The following CPNE1 variants were observed in gnomAD, a reference collection of about 807,000 sequenced individuals.
CPNE1 encodes copine-1.
Under a neutral mutation model 63.2 loss-of-function variants are expected in CPNE1, and 58 were observed. The observed-to-expected ratio is 0.92, with a 90% CI of 0.74 to 1.14. The LOEUF (loss-of-function observed/expected upper bound fraction) is 1.14, where lower values mean the gene tolerates loss of function less well. Among genes scored for constraint, CPNE1 ranks in the 50% most tolerant of loss-of-function variants. The pLI is 0.00. For missense variants in CPNE1, 672 were observed against 661.7 expected (o/e 1.02, Z -0.17); for synonymous variants, 237 against 249.0 (o/e 0.95, Z 0.45).
chr20:35,626,126 A>G lies in CPNE1; in HGVS notation c.*115T>C. The G allele has an allele frequency of 9.0e-7, 1 of 1,116,748 alleles. No homozygotes were observed. The highest frequency in any genetic ancestry group is 1.4e-6 in the Non-Finnish European group (1 of 740,110). 69.2% of individuals were successfully genotyped at this position (1,116,748 alleles called of 1,614,324 possible). On this transcript the variant is annotated 3_prime_UTR_variant, in exon 16 of 16. Coordinates refer to ENST00000397443, the MANE Select transcript of CPNE1 (RefSeq NM_152925.3). ...AGCAGCAAAAGCAGAAACAAGTATA[A>G]AAGTATCAAAAAATACAAAGTGCTA...
intron 1 of CPNE1, chr20:35,654,113 G>C: frequency 6.2e-7 from 1 of 1,614,198 alleles, no homozygotes; most frequent in Non-Finnish European, 8.5e-7. Flanking sequence ...GTCTGAGGAG[G>C]GGGATGAGTT....
intron 13 of CPNE1, 36 bp downstream of exon 13, chr20:35,630,403 G>A (rs2146281863): frequency 6.3e-7 from 1 of 1,594,604 alleles, no homozygotes; most frequent in Non-Finnish European, 8.6e-7. Context: ...CTCTTTGTGT[G>A]GACAGACCTG....
At chr20:35,630,667 G>T in intron 12 of CPNE1, 74 bp downstream of exon 12, 1 of 1,569,414 alleles carries the variant, frequency 6.4e-7, no homozygotes, top group African/African-American at 1.4e-5. Flanking sequence ...CAAGTAGCAA[G>T]TAAATTTACC....
At chr20:35,631,924 C>A in intron 6 of CPNE1, 21 bp downstream of exon 6, 2 of 1,609,712 alleles carry the variant, frequency 1.2e-6, no homozygotes, top group African/African-American at 2.7e-5. Context: ...CCCAGCCCAC[C>A]CAATCCCAGG....
chr20:35,647,699 GAGACTCTA>G (rs1284987601), intron 1 of CPNE1, among the ~76,000 whole-genome samples: 1 of 152,028 alleles, frequency 6.6e-6, no homozygotes, highest in Admixed American at 6.6e-5. Context: ...GGATGCTTTT[GAGACTCTA>G]ACACAAAGCA....
At position 35,630,792 on chromosome 20, in the gene CPNE1, G is replaced by A; in HGVS notation, c.999C>T (p.Asp333=). Residue 333 remains aspartate (D), a synonymous_variant, in exon 12 of 16, where the codon GAC becomes GAT. Coordinates refer to ENST00000397443, the MANE Select transcript of CPNE1 (RefSeq NM_152925.3). The part of the protein sequence containing the change: ...VGSVVQDYDS[D]KLFPAFGFGA... ...CAAATCCAAATGCAGGGAACAGCTT[G>A]TCTCTGTGGGAGGACAGTGTATTGG... 2 of 1,613,624 alleles carry A rather than the reference G, an allele frequency of 1.2e-6. No individual in the cohort carries two copies. Among genetic ancestry groups the A allele is most frequent in the Non-Finnish European group, 1.7e-6 (2 of 1,179,778 alleles).
intron 1 of CPNE1, chr20:35,653,875 T>A: frequency 6.2e-7 from 1 of 1,614,118 alleles, no homozygotes; most frequent in East Asian, 2.2e-5. Context: ...AGCCTTATAG[T>A]CAGCCTCATT....
intron 1 of CPNE1, among the ~76,000 whole-genome samples, chr20:35,641,072 A>C (rs1240703730): frequency 6.6e-6 from 1 of 152,098 alleles, no homozygotes; most frequent in Non-Finnish European, 1.5e-5. Context: ...GCCAACCTCA[A>C]TGTGCCCTAG....
chr20:35,626,161 AGAGT>A lies in CPNE1; in HGVS notation c.*76_*79del, dbSNP rs775361755. 3.2e-5 allele frequency: 44 copies of A among 1,390,736 alleles called. No homozygotes were observed. The African/African-American group carries it at 5.8e-4, about 18-fold the overall frequency. The allele number at this position is 1,390,736 out of a possible 1,614,324, so 86.1% of individuals were successfully genotyped here. A position where few individuals can be genotyped will look rare whatever the true frequency, so the allele number is the denominator to read the frequency against. On this transcript the variant is annotated 3_prime_UTR_variant, in exon 16 of 16. Coordinates refer to ENST00000397443, the MANE Select transcript of CPNE1 (RefSeq NM_152925.3). ...AAAATACAAAGTGCTAGCACTGAGG[AGAGT>A]GAGAAGGGTTGGGTTGTGGCCCAGA...
chr20:35,662,421 A>C (rs1478679755), intron 1 of CPNE1, among the ~76,000 whole-genome samples: 1 of 152,222 alleles, frequency 6.6e-6, no homozygotes, highest in Non-Finnish European at 1.5e-5. Flanking sequence ...ATAAAACTGT[A>C]GTTTAGATAA....
At chr20:35,636,695 C>T (rs548583339) in intron 1 of CPNE1, among the ~76,000 whole-genome samples, 25 of 152,026 alleles carry the variant, frequency 1.6e-4, no homozygotes, top group African/African-American at 6.0e-4. Context: ...TACTCGGGAG[C>T]CAGGAGAATC....
At chr20:35,639,115 A>G (rs1485701107) in intron 1 of CPNE1, among the ~76,000 whole-genome samples, 1 of 151,924 alleles carries the variant, frequency 6.6e-6, no homozygotes, top group East Asian at 1.9e-4. Flanking sequence ...AAAACCCAAC[A>G]ACCCATAAAC....
At chr20:35,656,803 C>T (rs780885422) in intron 1 of CPNE1, among the ~76,000 whole-genome samples, 7 of 146,910 alleles carry the variant, frequency 4.8e-5, no homozygotes, top group Non-Finnish European at 9.2e-5. Context: ...CACTGCGCCC[C>T]ACCTGAAAAG....
intron 1 of CPNE1, among the ~76,000 whole-genome samples, chr20:35,660,467 C>T (rs1362939670): frequency 6.6e-6 from 1 of 152,190 alleles, no homozygotes; most frequent in Non-Finnish European, 1.5e-5. Flanking sequence ...GATCCACCCG[C>T]CTCAGCCTCC....
rs991509760 is a variant in CPNE1, at chr20:35,633,045, C to G, written c.1-122G>C. On this transcript the variant is annotated intron_variant, in intron 1 of 15. Transcript: ENST00000397443. ...GCAGGGCTGAGCATACGTCCACCCC[C>G]GTGACACCCAAGGAAGAGAAGGCCT... 65 of 718,924 alleles carry G rather than the reference C, an allele frequency of 9.0e-5. No homozygotes were observed. In the African/African-American group the frequency reaches 9.3e-4, roughly 10 times the overall value. 44.5% of individuals were successfully genotyped at this position (718,924 alleles called of 1,614,324 possible). A position where few individuals can be genotyped will look rare whatever the true frequency, so the allele number is the denominator to read the frequency against.
intron 1 of CPNE1, among the ~76,000 whole-genome samples, chr20:35,641,368 A>C (rs1000337280): frequency 6.6e-6 from 1 of 152,146 alleles, no homozygotes; most frequent in South Asian, 2.1e-4. Flanking sequence ...ATATTGTTGC[A>C]ATCTGATGCA....
rs2031729218 is a variant in CPNE1, at chr20:35,626,291, T to C, written c.1564A>G (p.Lys522Glu). The part of the protein sequence containing the change: ...YFRAQGWAPL[K>E]PLPPSAKDPA... ...TCCTTGGCTGAGGGTGGAAGTGGCT[T>C]GAGCGGGGCCCAACCCTGGGCCCTG... Residue 522 changes from lysine (K) to glutamate (E), a missense_variant, in exon 16 of 16, where the codon AAG (lysine) becomes GAG (glutamate). Lys to Glu is a moderately conservative substitution (Grantham distance 56). Coordinates refer to ENST00000397443, the MANE Select transcript of CPNE1 (RefSeq NM_152925.3). The C allele has an allele frequency of 1.9e-6, 3 of 1,613,996 alleles. No individual in the cohort carries two copies. Among genetic ancestry groups the C allele is most frequent in the Non-Finnish European group, 2.5e-6 (3 of 1,179,980 alleles).
At chr20:35,644,984 G>GC (rs2033024397) in intron 1 of CPNE1, among the ~76,000 whole-genome samples, 2 of 152,110 alleles carry the variant, frequency 1.3e-5, no homozygotes, top group South Asian at 4.1e-4. Flanking sequence ...AGTCAATTCT[G>GC]CCCCCATCCC....
intron 1 of CPNE1, chr20:35,655,482 T>C (rs2033841038): frequency 1.3e-6 from 1 of 747,456 alleles, no homozygotes. Context: ...TTAATTTAGA[T>C]ATTCTAAAAA....
Sources: gnomAD v4.1 joint callset for allele counts (sites outside exome capture counted in the v4.1 genomes callset) on GRCh38, gnomAD v4.1.1 for gene constraint, MANE v1.5 for transcripts, NCBI Gene and HGNC (gene_info 2026-07-23, HGNC 2026-07-21) for gene names.